PTPRD: variants seen among roughly 807,000 people sequenced by gnomAD.
The protein encoded by PTPRD is protein tyrosine phosphatase receptor type D.
In PTPRD, 34 loss-of-function variants were observed where a neutral mutation model predicts 214.5. The observed-to-expected ratio is 0.16, with a 90% confidence interval of 0.12 to 0.21. The LOEUF (loss-of-function observed/expected upper bound fraction) is 0.21. PTPRD is among the 10% of genes least tolerant of loss of function. PTPRD has a pLI of 1.00. For synonymous variants in PTPRD, 1,128 were observed against 845.7 expected, an observed-to-expected ratio of 1.33 and a Z score of -5.79; for missense variants, 2,545 against 2,398.7, an observed-to-expected ratio of 1.06 and a Z score of -1.27.
intron 12 of PTPRD, among the ~76,000 whole-genome samples, chr9:8,698,171 G>A (rs536377792): frequency 1.3e-5 from 2 of 152,326 alleles, no homozygotes; most frequent in African/African-American, 4.8e-5. Flanking sequence ...TGATGATGTA[G>A]ATATTGTAAA....
intron 2 of PTPRD, among the ~76,000 whole-genome samples, chr9:10,494,224 C>G (rs1352751349): frequency 2.0e-5 from 3 of 151,816 alleles, no homozygotes; most frequent in Admixed American, 1.3e-4. Flanking sequence ...AAAAGTAAAT[C>G]AAGGTAAAAT....
At chr9:9,844,308 T>C (rs1188407355) in intron 5 of PTPRD, among the ~76,000 whole-genome samples, 4 of 151,946 alleles carry the variant, frequency 2.6e-5, no homozygotes. Flanking sequence ...TAGATCATAA[T>C]GCCACTAGAC....
At chr9:9,587,357 C>G (rs891952080) in intron 7 of PTPRD, among the ~76,000 whole-genome samples, 1 of 151,984 alleles carries the variant, frequency 6.6e-6, no homozygotes, top group African/African-American at 2.4e-5. Flanking sequence ...GTAGGCGCTT[C>G]TATTATATTT....
intron 2 of PTPRD, among the ~76,000 whole-genome samples, chr9:10,490,171 T>C (rs146851317): frequency 3.3e-5 from 5 of 152,172 alleles, no homozygotes; most frequent in African/African-American, 1.2e-4. Flanking sequence ...TGGAGGGATA[T>C]AGTTATTTTT....
chr9:9,662,174 C>T (rs961783177), intron 7 of PTPRD, among the ~76,000 whole-genome samples: 1 of 151,614 alleles, frequency 6.6e-6, no homozygotes, highest in South Asian at 2.1e-4. Flanking sequence ...ATCTTGAGAG[C>T]TTGGAAGGCA....
chr9:8,332,164 TAAATATTGAAACA>T (rs1842087969), intron 43 of PTPRD, among the ~76,000 whole-genome samples: 1 of 152,136 alleles, frequency 6.6e-6, no homozygotes, highest in Non-Finnish European at 1.5e-5. Flanking sequence ...TACTTTGTAA[TAAATATTGAAACA>T]AGCACCTAGG....
intron 5 of PTPRD, among the ~76,000 whole-genome samples, chr9:9,929,145 C>G (rs984095710): frequency 6.6e-6 from 1 of 152,142 alleles, no homozygotes; most frequent in South Asian, 2.1e-4. Flanking sequence ...CTTCTAGTCT[C>G]CACTTAGTGT....
intron 9 of PTPRD, among the ~76,000 whole-genome samples, chr9:9,367,757 T>C (rs567677036): frequency 6.6e-6 from 1 of 151,728 alleles, no homozygotes; most frequent in Non-Finnish European, 1.5e-5. Flanking sequence ...TCACATATTA[T>C]ATGCTAACTC....
intron 14 of PTPRD, among the ~76,000 whole-genome samples, chr9:8,615,230 G>A (rs543898187): frequency 1.5e-3 from 224 of 151,144 alleles, no homozygotes; most frequent in African/African-American, 5.0e-3. Flanking sequence ...TCCCATTAGC[G>A]TTAATGGGAG....
chr9:10,509,296 A>C (rs1425397553), intron 2 of PTPRD, among the ~76,000 whole-genome samples: 1 of 151,456 alleles, frequency 6.6e-6, no homozygotes. Context: ...GTAGTAATTT[A>C]TTTGCCATTT....
At chr9:10,087,313 T>C (rs1001622375) in intron 3 of PTPRD, among the ~76,000 whole-genome samples, 2 of 151,760 alleles carry the variant, frequency 1.3e-5, no homozygotes, top group East Asian at 3.9e-4. Flanking sequence ...GGCACAAAGA[T>C]AGCATTAGGA....
intron 9 of PTPRD, among the ~76,000 whole-genome samples, chr9:9,237,315 AG>A (rs1475946156): frequency 1.3e-5 from 2 of 152,116 alleles, no homozygotes; most frequent in Non-Finnish European, 2.9e-5. Flanking sequence ...TTGTAATCCC[AG>A]TACTTTGGGA....
chr9:9,344,620 G>T (rs1296971250), intron 9 of PTPRD, among the ~76,000 whole-genome samples: 3 of 151,908 alleles, frequency 2.0e-5, no homozygotes, highest in African/African-American at 7.3e-5. Flanking sequence ...GCAGATAAAA[G>T]ATATCTAGAA....
At chr9:8,688,237 T>C (rs1011200198) in intron 12 of PTPRD, among the ~76,000 whole-genome samples, 1 of 152,188 alleles carries the variant, frequency 6.6e-6, no homozygotes, top group Non-Finnish European at 1.5e-5. Context: ...TAAGATCAAA[T>C]GATGAATACA....
At chr9:8,982,334 T>C (rs1222064183) in intron 11 of PTPRD, among the ~76,000 whole-genome samples, 1 of 152,012 alleles carries the variant, frequency 6.6e-6, no homozygotes, top group Non-Finnish European at 1.5e-5. Context: ...GCATAAACTT[T>C]ATAGATTTTA....
At chr9:10,079,878 T>C (rs1469511677) in intron 3 of PTPRD, among the ~76,000 whole-genome samples, 2 of 152,000 alleles carry the variant, frequency 1.3e-5, no homozygotes, top group African/African-American at 4.8e-5. Flanking sequence ...CTATGAATAA[T>C]TGTCAGCAAA....
chr9:8,416,112 T>C (rs2093915827), intron 35 of PTPRD, among the ~76,000 whole-genome samples: 1 of 152,124 alleles, frequency 6.6e-6, no homozygotes, highest in African/African-American at 2.4e-5. Context: ...TATACAATCA[T>C]TTAAAATAAC....
In PTPRD at chr9:10,594,703, G is replaced by T. The variant is rs566144463; in HGVS notation, c.-600+17695C>A. On this transcript the variant is annotated intron_variant, in intron 2 of 45. Transcript: ENST00000381196. Reference sequence around the variant, plus strand: ...ATGAGAGACTGCTTCAGAGGTACAAGGTCACACCCTTGCAACAATTATTCT... The same window carrying T: ...ATGAGAGACTGCTTCAGAGGTACAATGTCACACCCTTGCAACAATTATTCT... 7.9e-5 allele frequency among the ~76,000 whole-genome samples: 12 copies of T among 151,960 alleles called. No homozygotes were observed. In the East Asian group the frequency reaches 2.2e-3, roughly 28 times the overall value.
At chr9:10,240,116 C>A (rs2154362054) in intron 3 of PTPRD, among the ~76,000 whole-genome samples, 1 of 152,104 alleles carries the variant, frequency 6.6e-6, no homozygotes, top group East Asian at 1.9e-4. Context: ...AGATTATATA[C>A]TTTTTGTATA....
Sources: allele counts gnomAD v4.1 joint callset (sites outside exome capture counted in the v4.1 genomes callset), GRCh38; gene constraint gnomAD v4.1.1; transcripts MANE v1.5; gene names NCBI Gene and HGNC (gene_info 2026-07-23, HGNC 2026-07-21).